The following PTRH1 variants were observed in gnomAD, a reference collection of about 807,000 sequenced individuals.
PTRH1 encodes peptidyl-tRNA hydrolase 1 homolog, also known as peptidyl-tRNA hydrolase.
Under a neutral mutation model 15.7 loss-of-function variants are expected in PTRH1, and 13 were observed. The ratio of observed to expected loss-of-function variants is 0.83; its 90% confidence interval spans 0.54 to 1.31. The LOEUF (loss-of-function observed/expected upper bound fraction) is 1.31. Among genes scored for constraint, PTRH1 ranks in the 40% most tolerant of loss-of-function variants. PTRH1 has a pLI of 0.00. For synonymous variants in PTRH1, 139 were observed against 136.7 expected (o/e 1.02, Z -0.12); for missense variants, 319 against 296.2 (o/e 1.08, Z -0.56).
chr9:127,712,484 T>G, downstream of PTRH1: 40 of 1,456,828 alleles, frequency 2.7e-5, no homozygotes, highest in Non-Finnish European at 3.7e-5. Context: ...AGTCTGTCCT[T>G]CGCTGATTCT....
Position 127,713,979 on chromosome 9 carries a change from G to C in PTRH1, c.*121C>G. The stretch of plus-strand genomic sequence containing the variant: ...TCACCCCCACTTTAATCCGCAGGCA[G>C]CCTGGAACAGTCTAGAGGAGATTTG... On this transcript the variant is annotated 3_prime_UTR_variant, in exon 5 of 5. Transcript: ENST00000543175. The C allele has an allele frequency of 1.3e-6, 2 of 1,578,118 alleles. No homozygotes were observed. The highest frequency in any genetic ancestry group is 1.7e-6 in the Non-Finnish European group (2 of 1,147,772).
intron 1 of PTRH1, among the ~76,000 whole-genome samples, chr9:127,703,467 GAGAA>G (rs913845257): frequency 1.4e-4 from 21 of 152,128 alleles, no homozygotes; most frequent in African/African-American, 4.1e-4. Flanking sequence ...GAAAGAGAAA[GAGAA>G]AGAGAGAGAG....
downstream of PTRH1, chr9:127,710,482 C>T: frequency 7.1e-6 from 9 of 1,275,446 alleles, no homozygotes; most frequent in Middle Eastern, 2.7e-4. Context: ...ACCTGCCCCA[C>T]TGAGACCACA....
At chr9:127,700,713 TTTTC>T (rs1234075503) in intron 1 of PTRH1, among the ~76,000 whole-genome samples, 13 of 152,102 alleles carry the variant, frequency 8.5e-5, no homozygotes, top group Admixed American at 8.5e-4. Flanking sequence ...TTGCCACAAG[TTTTC>T]TTTTTCTCTA....
chr9:127,714,009 A>T lies in PTRH1; in HGVS notation c.*91T>A, dbSNP rs1842833350. 1 of 1,582,336 alleles carries T rather than the reference A, an allele frequency of 6.3e-7. No homozygotes were observed. Among genetic ancestry groups the T allele is most frequent in the Non-Finnish European group, 8.7e-7 (1 of 1,153,096 alleles). On this transcript the variant is annotated 3_prime_UTR_variant, in exon 5 of 5. Transcript: ENST00000543175. ...GAACAGTCTAGAGGAGATTTGTATAAAAAGTAGATACCAAGGCTGGCGTGG... is the reference window on the plus strand; with the variant it reads ...GAACAGTCTAGAGGAGATTTGTATATAAAGTAGATACCAAGGCTGGCGTGG...
chr9:127,695,111 T>C, exon 2 of PTRH1: 2 of 702,430 alleles, frequency 2.8e-6, no homozygotes, highest in South Asian at 3.0e-5. Flanking sequence ...ATGATGATGC[T>C]GCTGCTGTTG....
At chr9:127,713,217 C>T (rs1260752880), downstream of PTRH1, 2 of 1,515,704 alleles carry the variant, frequency 1.3e-6, no homozygotes, top group African/African-American at 1.4e-5. Flanking sequence ...GTGAGGGTGC[C>T]AGGGGCCCCA....
intron 1 of PTRH1, among the ~76,000 whole-genome samples, chr9:127,704,915 AT>A (rs954217968): frequency 3.0e-3 from 439 of 144,538 alleles, no homozygotes; most frequent in Middle Eastern, 3.6e-3. Context: ...GGCCTGGTTA[AT>A]TTTTTTTTTT....
downstream of PTRH1, among the ~76,000 whole-genome samples, chr9:127,710,298 A>C (rs1422197769): frequency 6.6e-6 from 1 of 151,956 alleles, no homozygotes; most frequent in African/African-American, 2.4e-5. Context: ...AAAAAAAAAA[A>C]ACAAAACAGT....
chr9:127,713,980 C>T lies in PTRH1; in HGVS notation c.*120G>A. 1 of 1,577,166 alleles carries T rather than the reference C, an allele frequency of 6.3e-7. No homozygotes were observed. ...CACCCCCACTTTAATCCGCAGGCAG[C>T]CTGGAACAGTCTAGAGGAGATTTGT... On this transcript the variant is annotated 3_prime_UTR_variant, in exon 5 of 5. Transcript: ENST00000543175.
downstream of PTRH1, chr9:127,711,548 G>A (rs377467937): frequency 6.8e-4 from 1,076 of 1,574,448 alleles, 3 homozygotes; most frequent in Middle Eastern, 5.0e-3. Flanking sequence ...GCAGGAGGCC[G>A]CCCTGGGGGC....
downstream of PTRH1, chr9:127,711,969 G>A (rs569181102): frequency 1.9e-6 from 3 of 1,597,574 alleles, no homozygotes; most frequent in Non-Finnish European, 1.7e-6. Context: ...GGCCCACGGA[G>A]GGGCGGGCGG....
rs1199096512 is a variant in PTRH1 at position 127,705,223 on chromosome 9, AG to A, written c.206-10083del. Among the ~76,000 whole-genome samples the A allele has an allele frequency of 2.6e-5, 4 of 152,156 alleles. No individual in the cohort carries two copies. In the East Asian group the frequency reaches 5.8e-4, roughly 22 times the overall value. The stretch of plus-strand genomic sequence containing the variant: ...TCCCCTCAGAAGACCCAGCTCCTGC[AG>A]GGTTTGTGTCTCACAGCTCCAGCAG... On this transcript the variant is annotated intron_variant, in intron 1 of 2. Transcript: ENST00000335223. This position sits in a 1 kb window ranked among gnomAD's most constrained non-coding sequence, Gnocchi z 4.7.
intron 1 of PTRH1, among the ~76,000 whole-genome samples, chr9:127,702,015 A>G (rs1842606898): frequency 1.3e-5 from 2 of 152,162 alleles, no homozygotes; most frequent in South Asian, 2.1e-4. Flanking sequence ...GGAGCCCAGA[A>G]GTTCGAGACG....
intron 1 of PTRH1, chr9:127,695,835 A>G (rs1842555856): frequency 6.6e-6 from 1 of 152,208 alleles, no homozygotes; most frequent in African/African-American, 2.4e-5. Context: ...AAAGCACCAC[A>G]TATTGCTTAT....
rs150427833 is a variant in PTRH1 at position 127,707,710 on chromosome 9, G to T, written c.205+7725C>A. Among the ~76,000 whole-genome samples, 84 of 152,296 alleles carry T rather than the reference G, an allele frequency of 5.5e-4. No individual in the cohort carries two copies. In the East Asian group the frequency reaches 0.014, roughly 25 times the overall value. On this transcript the variant is annotated intron_variant, in intron 1 of 2. Coordinates refer to the PTRH1 transcript ENST00000335223. ...GACATTCTATTCTAGAGCCAGTTTT[G>T]TGTGTGACATAGTGCTGGGGGGAGA... is the stretch of plus-strand genomic sequence containing the variant.
chr9:127,707,049 T>C (rs1354529535), intron 1 of PTRH1: 3 of 1,612,522 alleles, frequency 1.9e-6, no homozygotes, highest in Middle Eastern at 3.3e-4. Flanking sequence ...CCAAAAAGAG[T>C]GTGAGCAAGG....
intron 2 of PTRH1, 63 bp downstream of exon 2, chr9:127,714,912 G>GGCCC: frequency 2.5e-5 from 19 of 766,652 alleles, no homozygotes; most frequent in East Asian, 2.8e-5. Context: ...CTCCCCTCTG[G>GGCCC]CCCCCGCGCC....
intron 1 of PTRH1, among the ~76,000 whole-genome samples, chr9:127,702,967 C>T (rs573092846): frequency 1.7e-4 from 25 of 151,440 alleles, no homozygotes; most frequent in Non-Finnish European, 1.9e-4. Flanking sequence ...GTGATCCACC[C>T]GCCTCGGCCT....
Sources: gnomAD v4.1 joint callset for allele counts (sites outside exome capture counted in the v4.1 genomes callset) on GRCh38, gnomAD v4.1.1 for gene constraint, Gnocchi (gnomAD v3.1) non-coding constraint, MANE v1.5 for transcripts, NCBI Gene and HGNC (gene_info 2026-07-23, HGNC 2026-07-21) for gene names.